The following COL19A1 variants were observed in gnomAD, a reference collection of about 807,000 sequenced individuals.
The protein encoded by COL19A1 is collagen type XIX alpha 1 chain, also known as collagen alpha-1(XIX) chain.
COL19A1 carries 159 observed loss-of-function variants against 190.2 expected under a neutral mutation model. The observed-to-expected ratio is 0.84, with a 90% CI of 0.73 to 0.95. The LOEUF (loss-of-function observed/expected upper bound fraction) is 0.95, where lower values mean the gene tolerates loss of function less well. Ranked by LOEUF, COL19A1 falls within the 40% of genes least tolerant of loss-of-function variation. The pLI is 0.00. For synonymous variants in COL19A1, 509 were observed against 458.9 expected (o/e 1.11, Z -1.39); for missense variants, 1,418 against 1,431.9 (o/e 0.99, Z 0.16).
chr6:70,107,798 T>C (rs1784062807), intron 16 of COL19A1, among the ~76,000 whole-genome samples: 2 of 152,158 alleles, frequency 1.3e-5, no homozygotes, highest in Admixed American at 6.6e-5. Context: ...GTCAGTGATG[T>C]TTTTTCTCCC....
chr6:69,914,412 C>T (rs1382020304), intron 4 of COL19A1, among the ~76,000 whole-genome samples: 1 of 152,178 alleles, frequency 6.6e-6, no homozygotes, highest in Non-Finnish European at 1.5e-5. Flanking sequence ...TCTCTCACTT[C>T]ACTCTCAGGA....
chr6:69,966,134 G>A (rs375151037), intron 11 of COL19A1, among the ~76,000 whole-genome samples: 62 of 152,256 alleles, frequency 4.1e-4, no homozygotes, highest in Middle Eastern at 3.4e-3. Context: ...CATTACATTA[G>A]AAGCCGTCCG....
At chr6:69,991,426 G>A (rs1776615814) in intron 11 of COL19A1, among the ~76,000 whole-genome samples, 1 of 151,980 alleles carries the variant, frequency 6.6e-6, no homozygotes, top group South Asian at 2.1e-4. Context: ...AGATTGCTGG[G>A]TCTAATGGTA....
At chr6:70,118,675 G>A (rs1784718945) in intron 16 of COL19A1, among the ~76,000 whole-genome samples, 1 of 152,224 alleles carries the variant, frequency 6.6e-6, no homozygotes, top group South Asian at 2.1e-4. Flanking sequence ...CTACTTTGAA[G>A]ATAAGACATT....
intron 40 of COL19A1, among the ~76,000 whole-genome samples, chr6:70,169,422 T>A (rs188358041): frequency 1.3e-5 from 2 of 152,208 alleles, no homozygotes; most frequent in South Asian, 4.1e-4. Context: ...GAAATAAATT[T>A]TCAAAACACT....
At chr6:70,174,824 C>T (rs1273883121) in intron 41 of COL19A1, among the ~76,000 whole-genome samples, 1 of 152,048 alleles carries the variant, frequency 6.6e-6, no homozygotes, top group South Asian at 2.1e-4. Context: ...AAATTTGTAC[C>T]ATCAATGGAT....
chr6:69,932,675 A>G (rs1582446011), intron 6 of COL19A1, 108 bp from the exon 7 acceptor site: 1 of 617,340 alleles, frequency 1.6e-6, no homozygotes, highest in East Asian at 2.9e-5. Context: ...CCAGTAATTT[A>G]TTTATATTAG....
At chr6:69,903,947 G>A (rs1458522098) in intron 4 of COL19A1, among the ~76,000 whole-genome samples, 1 of 152,182 alleles carries the variant, frequency 6.6e-6, no homozygotes, top group African/African-American at 2.4e-5. Flanking sequence ...ATGACACATG[G>A]TGGGGCTATG....
chr6:69,983,432 C>A (rs1028543730), intron 11 of COL19A1, among the ~76,000 whole-genome samples: 1 of 152,088 alleles, frequency 6.6e-6, no homozygotes, highest in Non-Finnish European at 1.5e-5. Context: ...TAAATTTCTA[C>A]TTCTCTTTAC....
chr6:69,957,752 GTAA>G (rs899514976), intron 9 of COL19A1, among the ~76,000 whole-genome samples: 2 of 152,158 alleles, frequency 1.3e-5, no homozygotes, highest in African/African-American at 4.8e-5. Flanking sequence ...GTACCTTCCA[GTAA>G]TTTTAGGAGG....
At chr6:69,981,920 A>T (rs1308814650) in intron 11 of COL19A1, among the ~76,000 whole-genome samples, 1 of 152,140 alleles carries the variant, frequency 6.6e-6, no homozygotes, top group Non-Finnish European at 1.5e-5. Context: ...TTTTAATTTC[A>T]AGAAAAGCAC....
chr6:69,866,712 G>A (rs1767464307), intron 1 of COL19A1, 72 bp downstream of exon 1: 2 of 152,224 alleles, frequency 1.3e-5, no homozygotes, highest in African/African-American at 4.8e-5. Context: ...TCATCTGCTC[G>A]TGTTCCTAGT....
At position 69,879,516 on chromosome 6, in the gene COL19A1, T is replaced by G; in HGVS notation, c.-32-20T>G. ...CTGCATACAATAAACTTTATTCAAA[T>G]TTTTTTTTTTCTGTTGCAGATCCGT... On this transcript the variant is annotated intron_variant, in intron 1 of 50. Coordinates refer to ENST00000620364, the MANE Select transcript of COL19A1 (RefSeq NM_001858.6). The G allele has an allele frequency of 1.0e-6, 1 of 959,248 alleles. No homozygotes were observed. The highest frequency in any genetic ancestry group is 1.8e-5 in the South Asian group (1 of 55,970). The allele number at this position is 959,248 out of a possible 1,614,324, so 59.4% of individuals were successfully genotyped here.
At chr6:70,004,545 A>G (rs961569916) in intron 11 of COL19A1, among the ~76,000 whole-genome samples, 4 of 152,126 alleles carry the variant, frequency 2.6e-5, no homozygotes, top group South Asian at 2.1e-4. Context: ...ACAAAGTCCC[A>G]TATTTCTTGG....
chr6:70,131,500 A>T (rs1344908220), intron 18 of COL19A1, among the ~76,000 whole-genome samples: 1 of 152,260 alleles, frequency 6.6e-6, no homozygotes, highest in Non-Finnish European at 1.5e-5. Flanking sequence ...TCTGAAAAAG[A>T]CATCCAAAAA....
intron 6 of COL19A1, 68 bp downstream of exon 6, chr6:69,929,768 C>A: frequency 1.4e-6 from 2 of 1,431,242 alleles, no homozygotes; most frequent in Non-Finnish European, 1.9e-6. Context: ...TTATTAAAAA[C>A]ATTCTTCTTT....
In COL19A1 at chr6:70,209,880, A is replaced by G. The variant is rs1768088131; in HGVS notation, c.*2606A>G. 6.6e-6 allele frequency: 1 copy of G among 152,232 alleles called. No individual in the cohort carries two copies. Among genetic ancestry groups the G allele is most frequent in the Non-Finnish European group, 1.5e-5 (1 of 68,036 alleles). 9.4% of individuals were successfully genotyped at this position (152,232 alleles called of 1,614,324 possible). A position where few individuals can be genotyped will look rare whatever the true frequency, so the allele number is the denominator to read the frequency against. ...CTGGGTCCACCTAATTTAACACAAA[A>G]TGAAGTTGAGATTCGGCAGTTGCCC... On this transcript the variant is annotated 3_prime_UTR_variant, in exon 51 of 51. Transcript: ENST00000620364.
chr6:70,175,265 G>A (rs964335845), intron 41 of COL19A1, among the ~76,000 whole-genome samples: 23 of 151,684 alleles, frequency 1.5e-4, no homozygotes, highest in South Asian at 1.0e-3. Context: ...TCATTTTTAC[G>A]TTTAATCTTA....
chr6:69,927,796 T>A, intron 4 of COL19A1, 113 bp from the exon 5 acceptor site: 1 of 1,347,936 alleles, frequency 7.4e-7, no homozygotes, highest in Non-Finnish European at 1.0e-6. Context: ...AAGTTACACA[T>A]TTACTGAGAA....
Sources: gnomAD v4.1 joint callset for allele counts (sites outside exome capture counted in the v4.1 genomes callset) on GRCh38, gnomAD v4.1.1 for gene constraint, MANE v1.5 for transcripts, NCBI Gene and HGNC (gene_info 2026-07-23, HGNC 2026-07-21) for gene names.